ATP9A: variants seen among roughly 807,000 people sequenced by gnomAD.
The protein encoded by ATP9A is ATPase phospholipid transporting 9A.
Under a neutral mutation model 144.1 loss-of-function variants are expected in ATP9A, and 52 were observed. The ratio of observed to expected loss-of-function variants is 0.36; its 90% confidence interval spans 0.29 to 0.45. ATP9A has a LOEUF of 0.45. Ranked by LOEUF, ATP9A falls within the 20% of genes least tolerant of loss-of-function variation. The probability of loss-of-function intolerance (pLI) is 1.00; values close to 1 mark genes in which losing one functional copy is unlikely to be tolerated. For missense variants in ATP9A, 947 were observed against 1,392.7 expected (o/e 0.68, Z 5.09); for synonymous variants, 582 against 557.4 (o/e 1.04, Z -0.62).
In ATP9A at chr20:51,657,015, C is replaced by A; in HGVS notation, c.1429G>T (p.Gly477Cys). Residue 477 changes from glycine to cysteine, a missense_variant, in exon 14 of 28, where the codon GGT becomes TGT. Around this residue, in one of 2 missense-constraint regions of ATP9A, gnomAD observed 770 missense variants for 1,047.9 expected, o/e 0.73. Transcript: ENST00000338821. Reference sequence around the variant, plus strand: ...TCGGCCTCAGCCTGATCAGTCACACCGTTGGACTCATACACGGGAGTCACG... The same window carrying A: ...TCGGCCTCAGCCTGATCAGTCACACAGTTGGACTCATACACGGGAGTCACG... ...HNVTPVYESN[G>C]VTDQAEAEKQ... 6.2e-7 allele frequency: 1 copy of A among 1,614,204 alleles called. No individual in the cohort carries two copies. Among genetic ancestry groups the A allele is most frequent in the South Asian group, 1.1e-5 (1 of 91,082 alleles).
chr20:51,695,026 T>C (rs2122825128), intron 6 of ATP9A, among the ~76,000 whole-genome samples: 1 of 152,338 alleles, frequency 6.6e-6, no homozygotes, highest in South Asian at 2.1e-4. Context: ...TACATATTAG[T>C]ATAAAATTTT....
At chr20:51,638,563 T>C (rs954267477) in intron 15 of ATP9A, among the ~76,000 whole-genome samples, 9 of 151,836 alleles carry the variant, frequency 5.9e-5, no homozygotes, top group Non-Finnish European at 1.3e-4. Flanking sequence ...TCTCCGTGGG[T>C]AAAAAGAGAA....
At chr20:51,605,188 G>C (rs965188034) in intron 26 of ATP9A, among the ~76,000 whole-genome samples, 168 bp from the exon 27 acceptor site, 1 of 152,200 alleles carries the variant, frequency 6.6e-6, no homozygotes, top group African/African-American at 2.4e-5. Flanking sequence ...ATGGTTTTCT[G>C]ATTTTCCTCT....
At chr20:51,637,111 TTGTCATTCC>T (rs1210819704) in intron 15 of ATP9A, among the ~76,000 whole-genome samples, 1 of 151,872 alleles carries the variant, frequency 6.6e-6, no homozygotes, top group East Asian at 1.9e-4. Flanking sequence ...TAAATGTTAC[TTGTCATTCC>T]TGTCATTCTT....
rs773860177 is a variant in ATP9A at position 51,674,272 on chromosome 20, G to T, written c.918C>A (p.Ile306=). Residue 306 remains isoleucine (I), a synonymous_variant, in exon 11 of 28, where the codon ATC becomes ATA. Transcript: ENST00000338821. ...AGACCACCACCAGGGCACCAAAGAGGATCTTGGTGAGGCAGTTCACTTCCA... is the reference window on the plus strand; with the variant it reads ...AGACCACCACCAGGGCACCAAAGAGTATCTTGGTGAGGCAGTTCACTTCCA... The part of the protein sequence containing the change: ...FDLEVNCLTK[I]LFGALVVVSL... The T allele has an allele frequency of 1.2e-6, 2 of 1,613,802 alleles. No individual in the cohort carries two copies. The highest frequency in any genetic ancestry group is 1.7e-6 in the Non-Finnish European group (2 of 1,179,998).
In ATP9A at chr20:51,643,782, G is replaced by A. The variant is rs74527333; in HGVS notation, c.1507-4278C>T. Reference sequence around the variant, plus strand: ...CTAACTTTCAATATAGCCCTGTTTTGTCTGCTAACAATTGTCTTCCAAAGT... The same window carrying A: ...CTAACTTTCAATATAGCCCTGTTTTATCTGCTAACAATTGTCTTCCAAAGT... On this transcript the variant is annotated intron_variant, in intron 14 of 27. Transcript: ENST00000338821. Among the ~76,000 whole-genome samples, 140 of 152,252 alleles carry A rather than the reference G, an allele frequency of 9.2e-4. 2 individuals carry two copies. The East Asian group carries it at 0.016, about 18-fold the overall frequency.
At chr20:51,637,937 ATGAG>A (rs2077299773) in intron 15 of ATP9A, among the ~76,000 whole-genome samples, 1 of 150,468 alleles carries the variant, frequency 6.6e-6, no homozygotes, top group Non-Finnish European at 1.5e-5. Flanking sequence ...GCTCCCTCTT[ATGAG>A]TGAGAACATA....
At chr20:51,732,118 G>A (rs533543209) in intron 1 of ATP9A, among the ~76,000 whole-genome samples, 1 of 152,078 alleles carries the variant, frequency 6.6e-6, no homozygotes, top group African/African-American at 2.4e-5. Flanking sequence ...ACCCTCCCAC[G>A]AGGCAAAGGA....
intron 9 of ATP9A, among the ~76,000 whole-genome samples, chr20:51,685,452 C>T (rs2077519096): frequency 6.6e-6 from 1 of 151,936 alleles, no homozygotes; most frequent in African/African-American, 2.4e-5. Flanking sequence ...ATCCCAGCTA[C>T]TCGGGAGGCT....
chr20:51,677,372 C>T (rs534517799), intron 9 of ATP9A, among the ~76,000 whole-genome samples: 1 of 152,132 alleles, frequency 6.6e-6, no homozygotes. Context: ...ATACAGCGCC[C>T]ACCCTCCCTA....
intron 3 of ATP9A, among the ~76,000 whole-genome samples, chr20:51,722,947 A>G (rs958688501): frequency 1.3e-5 from 2 of 152,208 alleles, no homozygotes; most frequent in African/African-American, 4.8e-5. Context: ...AGTAGCTGGG[A>G]TTACAGACGC....
At chr20:51,728,715 C>A (rs2122872335) in intron 2 of ATP9A, among the ~76,000 whole-genome samples, 1 of 151,880 alleles carries the variant, frequency 6.6e-6, no homozygotes, top group South Asian at 2.1e-4. Flanking sequence ...GCAATAAGCT[C>A]TGATCATGCC....
At chr20:51,658,768 C>G (rs920960042) in intron 13 of ATP9A, among the ~76,000 whole-genome samples, 16 of 151,812 alleles carry the variant, frequency 1.1e-4, no homozygotes, top group Non-Finnish European at 4.4e-5. Context: ...GATCCGCCTG[C>G]CTCGGCCTCC....
intron 14 of ATP9A, among the ~76,000 whole-genome samples, chr20:51,652,045 A>G (rs1277660723): frequency 2.0e-5 from 3 of 152,198 alleles, no homozygotes; most frequent in African/African-American, 7.2e-5. Flanking sequence ...GGCTCAAACC[A>G]AGAAACAAAG....
In ATP9A at chr20:51,693,978, G is replaced by A. The variant is rs370374945; in HGVS notation, c.642+30C>T. 1.8e-5 allele frequency: 29 copies of A among 1,592,420 alleles called. 1 individual carries two copies. In the Middle Eastern group the frequency reaches 5.0e-4, roughly 28 times the overall value. ...AGAACCCTGCTAAGATAGGTTGCCCGCATGGGCTTCTGCAGGGAAAGCTAC... is the reference window on the plus strand; with the variant it reads ...AGAACCCTGCTAAGATAGGTTGCCCACATGGGCTTCTGCAGGGAAAGCTAC... On this transcript the variant is annotated intron_variant, in intron 7 of 27. Coordinates refer to ENST00000338821, the MANE Select transcript of ATP9A (RefSeq NM_006045.3).
intron 4 of ATP9A, among the ~76,000 whole-genome samples, chr20:51,709,405 C>T (rs1465534579): frequency 6.6e-6 from 1 of 152,102 alleles, no homozygotes; most frequent in Non-Finnish European, 1.5e-5. Flanking sequence ...ATCCCAGCTA[C>T]TCGGGAGGCT....
intron 2 of ATP9A, among the ~76,000 whole-genome samples, chr20:51,729,356 G>A (rs191273886): frequency 1.0e-4 from 7 of 69,966 alleles, no homozygotes; most frequent in Admixed American, 8.0e-4. Context: ...CTCCAACCCC[G>A]CCACTACCCA....
chr20:51,749,254 G>A (rs765400953), intron 1 of ATP9A, among the ~76,000 whole-genome samples: 1 of 152,060 alleles, frequency 6.6e-6, no homozygotes, highest in Non-Finnish European at 1.5e-5. Context: ...ATACTGACAC[G>A]GAACGAGCTC....
chr20:51,723,052 A>G (rs942187145), intron 3 of ATP9A, among the ~76,000 whole-genome samples: 2 of 152,188 alleles, frequency 1.3e-5, no homozygotes, highest in Admixed American at 6.5e-5. Context: ...TATATATTCA[A>G]TGGACTACTC....
Sources: allele counts gnomAD v4.1 joint callset (sites outside exome capture counted in the v4.1 genomes callset), GRCh38; gene constraint gnomAD v4.1.1; regional missense constraint gnomAD v4.1.1; transcripts MANE v1.5; gene names NCBI Gene and HGNC (gene_info 2026-07-23, HGNC 2026-07-21).